Variants in TTC39C observed in about 807,000 individuals in gnomAD.
TTC39C encodes tetratricopeptide repeat domain 39C.
In TTC39C, 33 loss-of-function variants were observed where a neutral mutation model predicts 76.3. The ratio of observed to expected loss-of-function variants is 0.43; its 90% CI spans 0.33 to 0.58. TTC39C has a LOEUF of 0.58. TTC39C is among the 20% of genes least tolerant of loss of function. The pLI is 0.04. For synonymous variants in TTC39C, 254 were observed against 260.6 expected (o/e 0.97, Z 0.24); for missense variants, 595 against 701.4 (o/e 0.85, Z 1.71).
At chr18:24,030,078 G>C (rs12104122) in intron 1 of TTC39C, among the ~76,000 whole-genome samples, 1 of 152,068 alleles carries the variant, frequency 6.6e-6, no homozygotes, top group Non-Finnish European at 1.5e-5. Flanking sequence ...AGGAATCGCC[G>C]TACTGTTTAT....
At chr18:24,098,696 G>C (rs926196517) in intron 6 of TTC39C, among the ~76,000 whole-genome samples, 1 of 150,914 alleles carries the variant, frequency 6.6e-6, no homozygotes, top group South Asian at 2.1e-4. Flanking sequence ...GCAGTGGTGC[G>C]TTCTTGGTTC....
At position 24,097,108 on chromosome 18, in the gene TTC39C, G is replaced by A. The variant is rs546564202; in HGVS notation, c.984+14027G>A. Reference sequence around the variant, plus strand: ...AGGAATGGACAGGAGCATTGTCACAGTGGAGGACTCTCTGGTGAAGCTGTC... The same window carrying A: ...AGGAATGGACAGGAGCATTGTCACAATGGAGGACTCTCTGGTGAAGCTGTC... On this transcript the variant is annotated intron_variant, in intron 6 of 13. Transcript: ENST00000317571. 3.9e-5 allele frequency among the ~76,000 whole-genome samples: 6 copies of A among 152,348 alleles called. No homozygotes were observed. In the South Asian group the frequency reaches 1.0e-3, roughly 26 times the overall value.
chr18:24,058,370 A>G (rs2145722335), intron 1 of TTC39C, among the ~76,000 whole-genome samples: 1 of 152,346 alleles, frequency 6.6e-6, no homozygotes, highest in Non-Finnish European at 1.5e-5. Flanking sequence ...TAAATTCATT[A>G]GAGGCTGGAC....
chr18:24,027,257 G>A (rs1484747094), intron 1 of TTC39C, among the ~76,000 whole-genome samples: 2 of 151,618 alleles, frequency 1.3e-5, no homozygotes, highest in Non-Finnish European at 2.9e-5. Flanking sequence ...GCGCCACTGT[G>A]CGAGACTCCA....
intron 4 of TTC39C, among the ~76,000 whole-genome samples, chr18:24,074,563 C>T (rs575368787): frequency 6.6e-6 from 1 of 152,274 alleles, no homozygotes; most frequent in African/African-American, 2.4e-5. Flanking sequence ...CTCATCATCA[C>T]CGGCCATCAG....
intron 7 of TTC39C, among the ~76,000 whole-genome samples, chr18:24,115,481 G>A (rs374078035): frequency 6.6e-6 from 1 of 152,348 alleles, no homozygotes; most frequent in East Asian, 1.9e-4. Flanking sequence ...GTCACACCAT[G>A]TAGCACATAA....
upstream of TTC39C, chr18:24,014,305 C>T (rs1057361974): frequency 6.6e-6 from 1 of 152,436 alleles, no homozygotes; most frequent in Non-Finnish European, 1.5e-5. Context: ...CGGAGTTCCC[C>T]TTCCCTTTCC....
At chr18:24,005,815 A>C (rs1181906693) in intron 1 of TTC39C, among the ~76,000 whole-genome samples, 1 of 151,628 alleles carries the variant, frequency 6.6e-6, no homozygotes, top group Non-Finnish European at 1.5e-5. Context: ...ACTGTACTCC[A>C]GCATGGCCGA....
intron 6 of TTC39C, among the ~76,000 whole-genome samples, chr18:24,092,107 A>T (rs1337812161): frequency 5.3e-5 from 7 of 133,200 alleles, no homozygotes; most frequent in Admixed American, 2.6e-4. Flanking sequence ...AAAAAAAAAA[A>T]AAAAAAAAAA....
chr18:24,101,344 A>G (rs912549183), intron 6 of TTC39C, among the ~76,000 whole-genome samples: 37 of 148,968 alleles, frequency 2.5e-4, no homozygotes, highest in Non-Finnish European at 4.6e-4. Context: ...ACTGTGGCTC[A>G]CGCCTGTAAT....
chr18:24,131,493 G>A (rs1231778782), intron 12 of TTC39C, among the ~76,000 whole-genome samples: 15 of 151,966 alleles, frequency 9.9e-5, no homozygotes, highest in Non-Finnish European at 1.2e-4. Flanking sequence ...TGGGTGGATC[G>A]CTTGAGGTTT....
At chr18:24,010,569 TC>T (rs2083386783), upstream of TTC39C, among the ~76,000 whole-genome samples, 1 of 152,316 alleles carries the variant, frequency 6.6e-6, no homozygotes, top group Non-Finnish European at 1.5e-5. Flanking sequence ...GATATTAATT[TC>T]CCTACTCTCC....
rs953954662 is a variant in TTC39C, at chr18:24,064,263, T to C, written c.216+75T>C. 7.2e-6 allele frequency: 11 copies of C among 1,531,618 alleles called. No individual in the cohort carries two copies. In the African/African-American group the frequency reaches 1.5e-4, roughly 21 times the overall value. The allele number at this position is 1,531,618 out of a possible 1,614,324, so 94.9% of individuals were successfully genotyped here. On this transcript the variant is annotated intron_variant, in intron 2 of 13. Coordinates refer to ENST00000317571, the MANE Select transcript of TTC39C (RefSeq NM_001135993.2). ...AGTAATGTCTGTTAGTGGCTACCAG[T>C]TGTATAGATACACTATTGTAGAAAG...
chr18:24,093,851 G>A (rs1390057713), intron 6 of TTC39C, among the ~76,000 whole-genome samples: 1 of 152,158 alleles, frequency 6.6e-6, no homozygotes, highest in Admixed American at 6.5e-5. Flanking sequence ...TTGGCTGGTG[G>A]AGGGTGTTGC....
chr18:24,054,704 T>G (rs188999290), intron 1 of TTC39C, among the ~76,000 whole-genome samples: 88 of 152,370 alleles, frequency 5.8e-4, no homozygotes, highest in African/African-American at 2.1e-3. Flanking sequence ...TTTATTCTAT[T>G]ATAGAAAGTT....
chr18:24,018,997 G>A (rs1176650654), intron 1 of TTC39C, among the ~76,000 whole-genome samples: 2 of 152,168 alleles, frequency 1.3e-5, no homozygotes, highest in East Asian at 1.9e-4. Flanking sequence ...TGTCCACAGC[G>A]TGGCTGTCAC....
intron 4 of TTC39C, among the ~76,000 whole-genome samples, chr18:24,074,829 C>T (rs1447084742): frequency 2.6e-5 from 4 of 152,160 alleles, no homozygotes; most frequent in African/African-American, 9.7e-5. Flanking sequence ...ATAAATCATG[C>T]TGCTATAAAG....
At chr18:24,042,506 G>C (rs1192357305) in intron 1 of TTC39C, among the ~76,000 whole-genome samples, 1 of 152,192 alleles carries the variant, frequency 6.6e-6, no homozygotes, top group East Asian at 1.9e-4. Flanking sequence ...CTCGCCTGCT[G>C]CTCACCTCCT....
chr18:24,086,794 G>A (rs2084445186), intron 6 of TTC39C, among the ~76,000 whole-genome samples: 1 of 152,158 alleles, frequency 6.6e-6, no homozygotes, highest in African/African-American at 2.4e-5. Flanking sequence ...TTGCTGGGGG[G>A]AATGAATGTG....
Sources: gnomAD v4.1 joint callset for allele counts (sites outside exome capture counted in the v4.1 genomes callset) on GRCh38, gnomAD v4.1.1 for gene constraint, MANE v1.5 for transcripts, NCBI Gene and HGNC (gene_info 2026-07-23, HGNC 2026-07-21) for gene names.